Variants in HORMAD2 observed in about 807,000 individuals in gnomAD.
HORMAD2 encodes HORMA domain containing 2.
In HORMAD2, 45 loss-of-function variants were observed where a neutral mutation model predicts 38.8. The ratio of observed to expected loss-of-function variants is 1.16; its 90% CI spans 0.91 to 1.49. HORMAD2 has a LOEUF of 1.49. HORMAD2 is among the 40% of genes most tolerant of loss of function. The probability of loss-of-function intolerance (pLI) is 0.00; values close to 1 mark genes in which losing one functional copy is unlikely to be tolerated. For synonymous variants in HORMAD2, 126 were observed against 122.8 expected, an observed-to-expected ratio of 1.03 and a Z score of -0.17; for missense variants, 338 against 367.0, an observed-to-expected ratio of 0.92 and a Z score of 0.65.
At chr22:30,205,389 G>T in the HORMAD2 span, among the ~76,000 whole-genome samples, 1 of 152,168 alleles carries the variant, frequency 6.6e-6, no homozygotes, top group Admixed American at 6.5e-5. Context: ...AACACCCTGG[G>T]ACCGGAAACT....
intron 10 of HORMAD2, among the ~76,000 whole-genome samples, chr22:30,143,116 T>C (rs1324655346): frequency 3.9e-5 from 6 of 152,182 alleles, no homozygotes. Flanking sequence ...ATATACTACA[T>C]TTGTTGAAGT....
the HORMAD2 span, among the ~76,000 whole-genome samples, chr22:30,187,536 T>TG: frequency 2.6e-5 from 4 of 151,654 alleles, no homozygotes; most frequent in Admixed American, 2.6e-4. Flanking sequence ...TGTGTGTGTA[T>TG]TTTTTTCCGT....
At chr22:30,159,961 G>A (rs1925341225) in intron 10 of HORMAD2, among the ~76,000 whole-genome samples, 1 of 152,056 alleles carries the variant, frequency 6.6e-6, no homozygotes, top group Non-Finnish European at 1.5e-5. Context: ...TGTGCACTCT[G>A]AAAAGAAGCT....
intron 5 of HORMAD2, among the ~76,000 whole-genome samples, chr22:30,108,884 A>AT (rs111352871): frequency 6.6e-6 from 1 of 151,782 alleles, no homozygotes; most frequent in Admixed American, 6.6e-5. Flanking sequence ...TGGTTCTGAA[A>AT]TTTTTTTTCT....
At chr22:30,145,365 G>A (rs192562598) in intron 10 of HORMAD2, among the ~76,000 whole-genome samples, 2 of 152,234 alleles carry the variant, frequency 1.3e-5, no homozygotes, top group Admixed American at 6.5e-5. Flanking sequence ...AAAATTCACA[G>A]AACTGTACAT....
Position 30,115,507 on chromosome 22 carries a change from G to A in HORMAD2, c.342+2985G>A, listed in dbSNP as rs535962930. 2.5e-4 allele frequency among the ~76,000 whole-genome samples: 38 copies of A among 152,114 alleles called. No homozygotes were observed. In the South Asian group the frequency reaches 5.6e-3, roughly 22 times the overall value. On this transcript the variant is annotated intron_variant, in intron 7 of 10. Coordinates refer to ENST00000336726, the MANE Select transcript of HORMAD2 (RefSeq NM_152510.4). Reference sequence around the variant, plus strand: ...AGATACTTTATTTTAGAAAAAAATCGTTGTAGGATGAAATCCTAAGTAAGC... The same window carrying A: ...AGATACTTTATTTTAGAAAAAAATCATTGTAGGATGAAATCCTAAGTAAGC...
At chr22:30,133,722 A>C (rs1923446816) in intron 10 of HORMAD2, among the ~76,000 whole-genome samples, 1 of 152,126 alleles carries the variant, frequency 6.6e-6, no homozygotes, top group Non-Finnish European at 1.5e-5. Context: ...TTCCCTAAAC[A>C]ATACAGTATA....
chr22:30,078,607 C>CAAAAAAAAAAAAAA (rs55966787), upstream of HORMAD2, among the ~76,000 whole-genome samples: 38 of 28,100 alleles, frequency 1.4e-3, 6 homozygotes, highest in African/African-American at 1.3e-3. Flanking sequence ...CTCTGTCTCA[C>CAAAAAAAAAAAAAA]AAAAAAAAAA....
intron 10 of HORMAD2, among the ~76,000 whole-genome samples, chr22:30,173,089 G>GT (rs965106632): frequency 6.6e-6 from 1 of 152,190 alleles, no homozygotes; most frequent in African/African-American, 2.4e-5. Flanking sequence ...GGAGCAAAGC[G>GT]TGGGAGTGGG....
the HORMAD2 span, among the ~76,000 whole-genome samples, chr22:30,205,441 G>C: frequency 2.6e-5 from 4 of 152,174 alleles, no homozygotes; most frequent in East Asian, 7.7e-4. Context: ...TTTCGCAGAC[G>C]GGGAAAGTGA....
At chr22:30,090,170 C>T (rs113342124) in intron 1 of HORMAD2, among the ~76,000 whole-genome samples, 8 of 152,204 alleles carry the variant, frequency 5.3e-5, no homozygotes, top group African/African-American at 1.7e-4. Flanking sequence ...CAAGACCAGC[C>T]TGGGCAACAT....
chr22:30,088,182 CAT>C (rs2068614528), intron 1 of HORMAD2, among the ~76,000 whole-genome samples: 1 of 150,234 alleles, frequency 6.7e-6, no homozygotes, highest in African/African-American at 2.4e-5. Flanking sequence ...TACATATATA[CAT>C]ATATACCTAT....
At chr22:30,098,726 T>C in intron 2 of HORMAD2, 126 bp from the exon 3 acceptor site, 1 of 737,182 alleles carries the variant, frequency 1.4e-6, no homozygotes, top group Non-Finnish European at 2.0e-6. Context: ...TATTTCTTTT[T>C]GATTACCTTC....
intron 4 of HORMAD2, among the ~76,000 whole-genome samples, chr22:30,103,936 A>T (rs1921000990): frequency 6.6e-6 from 1 of 151,670 alleles, no homozygotes; most frequent in African/African-American, 2.4e-5. Context: ...CTGGGACTAC[A>T]GGTGTGAGCC....
the HORMAD2 span, among the ~76,000 whole-genome samples, chr22:30,184,980 C>A: frequency 3.3e-4 from 51 of 152,308 alleles, no homozygotes; most frequent in Non-Finnish European, 4.4e-5. Context: ...CCCTTTATTT[C>A]TGGACAAGTC....
At chr22:30,133,852 G>C (rs1235524996) in intron 10 of HORMAD2, among the ~76,000 whole-genome samples, 1 of 152,030 alleles carries the variant, frequency 6.6e-6, no homozygotes, top group African/African-American at 2.4e-5. Context: ...TTTTTTATAA[G>C]GGATTTGAGC....
intron 1 of HORMAD2, among the ~76,000 whole-genome samples, chr22:30,083,767 C>G (rs866532175): frequency 1.3e-5 from 2 of 152,136 alleles, no homozygotes; most frequent in South Asian, 4.1e-4. Flanking sequence ...AGGCACCCAC[C>G]ACCATGCCCA....
chr22:30,078,726 A>C (rs1044503113), upstream of HORMAD2, among the ~76,000 whole-genome samples: 1 of 149,518 alleles, frequency 6.7e-6, no homozygotes, highest in Admixed American at 6.7e-5. Flanking sequence ...TAGGGCAGAG[A>C]GGGGTAAGTC....
intron 3 of HORMAD2, among the ~76,000 whole-genome samples, 159 bp downstream of exon 3, chr22:30,099,152 T>C (rs940843997): frequency 2.0e-5 from 3 of 152,226 alleles, no homozygotes; most frequent in Admixed American, 2.0e-4. Flanking sequence ...TTTTACTGTG[T>C]GTAGTGATTT....
Sources: gnomAD v4.1 joint callset for allele counts (sites outside exome capture counted in the v4.1 genomes callset) on GRCh38, gnomAD v4.1.1 for gene constraint, MANE v1.5 for transcripts, NCBI Gene and HGNC (gene_info 2026-07-23, HGNC 2026-07-21) for gene names.